The following LAMA2 variants were observed in gnomAD, a reference collection of about 807,000 sequenced individuals.
LAMA2 encodes the protein laminin subunit alpha 2, also known as laminin subunit alpha-2.
LAMA2 carries 269 observed loss-of-function variants against 364.8 expected under a neutral mutation model. That is an observed-to-expected ratio of 0.74 (90% CI 0.67 to 0.82). LAMA2 has a LOEUF of 0.82. Ranked by LOEUF, LAMA2 falls within the 40% of genes least tolerant of loss-of-function variation. LAMA2 has a pLI of 0.00. For missense variants in LAMA2, 3,807 were observed against 3,873.2 expected (o/e 0.98, Z 0.45); for synonymous variants, 1,379 against 1,370.6 (o/e 1.01, Z -0.14).
chr6:129,425,910 C>A (rs2114737521), intron 40 of LAMA2, among the ~76,000 whole-genome samples: 2 of 152,276 alleles, frequency 1.3e-5, no homozygotes, highest in Middle Eastern at 6.8e-3. Flanking sequence ...TCACTTTGCA[C>A]ACCTGAAGTT....
chr6:129,036,493 A>G (rs530839609), intron 1 of LAMA2, among the ~76,000 whole-genome samples: 24 of 152,326 alleles, frequency 1.6e-4, no homozygotes, highest in Non-Finnish European at 2.9e-4. Flanking sequence ...CCATTGGAGT[A>G]TGTATGGTTA....
intron 1 of LAMA2, among the ~76,000 whole-genome samples, chr6:128,918,623 A>T (rs906770475): frequency 2.6e-5 from 4 of 152,150 alleles, no homozygotes; most frequent in Non-Finnish European, 5.9e-5. Flanking sequence ...TGTCTTCATT[A>T]TTTCCACTAC....
chr6:128,928,598 A>G (rs1779245054), intron 1 of LAMA2, among the ~76,000 whole-genome samples: 1 of 152,216 alleles, frequency 6.6e-6, no homozygotes, highest in African/African-American at 2.4e-5. Context: ...CTTACGATAG[A>G]ATTCCTATTG....
intron 9 of LAMA2, among the ~76,000 whole-genome samples, chr6:129,172,937 A>T (rs1412757861): frequency 6.6e-6 from 1 of 152,210 alleles, no homozygotes; most frequent in Non-Finnish European, 1.5e-5. Context: ...CCGATTTTCC[A>T]GGTGCCGTCC....
At chr6:128,978,338 C>T (rs1401321819) in intron 1 of LAMA2, among the ~76,000 whole-genome samples, 2 of 147,710 alleles carry the variant, frequency 1.4e-5, no homozygotes. Context: ...AGTACCTGCC[C>T]TTCTTTCTTT....
rs1582722791 is a variant in LAMA2, at chr6:128,937,837, A to G, written c.112+54480A>G. 2.0e-5 allele frequency among the ~76,000 whole-genome samples: 3 copies of G among 148,202 alleles called. No homozygotes were observed. The South Asian group carries it at 6.4e-4, about 32-fold the overall frequency. On this transcript the variant is annotated intron_variant, in intron 1 of 64. Coordinates refer to ENST00000421865, the MANE Select transcript of LAMA2 (RefSeq NM_000426.4). The stretch of plus-strand genomic sequence containing the variant: ...CCCTTCCCTTTTCTATCTTTGTCTT[A>G]GTTTTTTTTTTCCTATTTCCTTGAG...
chr6:129,313,922 T>A (rs1294066493), intron 23 of LAMA2, among the ~76,000 whole-genome samples: 6 of 152,186 alleles, frequency 3.9e-5, no homozygotes, highest in Non-Finnish European at 8.8e-5. Flanking sequence ...ATTTAATACA[T>A]GTTATGTGTG....
intron 3 of LAMA2, among the ~76,000 whole-genome samples, chr6:129,072,254 G>A (rs1474468467): frequency 1.3e-5 from 2 of 152,172 alleles, no homozygotes; most frequent in South Asian, 4.1e-4. Flanking sequence ...TTTTAAATTA[G>A]AGACATACAA....
intron 6 of LAMA2, among the ~76,000 whole-genome samples, chr6:129,148,216 A>G (rs759160539): frequency 6.6e-6 from 1 of 152,114 alleles, no homozygotes; most frequent in Non-Finnish European, 1.5e-5. Context: ...ACATGGATGA[A>G]GCTGGAAACC....
chr6:129,485,124 A>G (rs1784531841), intron 55 of LAMA2, among the ~76,000 whole-genome samples: 1 of 152,180 alleles, frequency 6.6e-6, no homozygotes, highest in African/African-American at 2.4e-5. Flanking sequence ...CTCATATTGC[A>G]AATGATAAGC....
At chr6:129,378,505 G>C (rs1157159195) in intron 34 of LAMA2, among the ~76,000 whole-genome samples, 2 of 152,190 alleles carry the variant, frequency 1.3e-5, no homozygotes, top group African/African-American at 4.8e-5. Context: ...TGTGTAATGA[G>C]ACATGATTTT....
At chr6:129,027,895 C>A (rs1224124347) in intron 1 of LAMA2, among the ~76,000 whole-genome samples, 1 of 151,706 alleles carries the variant, frequency 6.6e-6, no homozygotes, top group Non-Finnish European at 1.5e-5. Flanking sequence ...ATATACTATA[C>A]TTGAAATATC....
At chr6:129,498,423 C>T (rs1246353641) in intron 58 of LAMA2, among the ~76,000 whole-genome samples, 1 of 152,194 alleles carries the variant, frequency 6.6e-6, no homozygotes, top group Non-Finnish European at 1.5e-5. Flanking sequence ...ACATTTTCCA[C>T]TTATCAAGGA....
chr6:129,034,826 A>G (rs142570297), intron 1 of LAMA2, among the ~76,000 whole-genome samples: 1 of 152,184 alleles, frequency 6.6e-6, no homozygotes, highest in Non-Finnish European at 1.5e-5. Context: ...ATGGCTGCAC[A>G]GTATTCCATG....
chr6:129,502,945 A>G, intron 59 of LAMA2, 146 bp from the exon 60 acceptor site: 1 of 910,754 alleles, frequency 1.1e-6, no homozygotes, highest in Non-Finnish European at 1.8e-6. Flanking sequence ...AGCCCAATTT[A>G]GGAAATCAGT....
chr6:129,173,185 T>C (rs549634438), intron 9 of LAMA2, among the ~76,000 whole-genome samples: 29 of 152,250 alleles, frequency 1.9e-4, no homozygotes, highest in Non-Finnish European at 4.0e-4. Flanking sequence ...TTGGGCCATG[T>C]TGGCTCCTCT....
intron 17 of LAMA2, among the ~76,000 whole-genome samples, chr6:129,278,632 T>C (rs1305300264): frequency 6.6e-6 from 1 of 152,164 alleles, no homozygotes; most frequent in African/African-American, 2.4e-5. Flanking sequence ...TAAAAGGAGA[T>C]TCTTTACTCG....
intron 12 of LAMA2, among the ~76,000 whole-genome samples, chr6:129,196,498 G>A (rs1196066807): frequency 6.6e-6 from 1 of 152,120 alleles, no homozygotes; most frequent in African/African-American, 2.4e-5. Flanking sequence ...GGATTTGTGG[G>A]AGTTGAAAGA....
At chr6:129,469,962 A>C (rs1783730390) in intron 51 of LAMA2, among the ~76,000 whole-genome samples, 1 of 151,876 alleles carries the variant, frequency 6.6e-6, no homozygotes, top group Non-Finnish European at 1.5e-5. Context: ...AAAGGCAAAA[A>C]GGAGGGATTA....
Sources: allele counts gnomAD v4.1 joint callset (sites outside exome capture counted in the v4.1 genomes callset), GRCh38; gene constraint gnomAD v4.1.1; transcripts MANE v1.5; gene names NCBI Gene and HGNC (gene_info 2026-07-23, HGNC 2026-07-21).